Variants in SH3TC2 observed in about 807,000 individuals in gnomAD.
SH3TC2 encodes the protein SH3 domain and tetratricopeptide repeat-containing protein 2.
A neutral mutation model predicts 124.5 loss-of-function variants in SH3TC2; 87 were observed. The ratio of observed to expected loss-of-function variants is 0.70; its 90% confidence interval spans 0.59 to 0.84. The LOEUF (loss-of-function observed/expected upper bound fraction) is 0.84, where lower values mean the gene tolerates loss of function less well. Among genes scored for constraint, SH3TC2 ranks in the 40% least tolerant of loss-of-function variants. SH3TC2 has a pLI of 0.00. For synonymous variants in SH3TC2, 634 were observed against 628.5 expected, an observed-to-expected ratio of 1.01 and a Z score of -0.13; for missense variants, 1,536 against 1,566.4, an observed-to-expected ratio of 0.98 and a Z score of 0.33.
At chr5:149,021,131 G>A (rs1391397241) in intron 12 of SH3TC2, among the ~76,000 whole-genome samples, 2 of 151,966 alleles carry the variant, frequency 1.3e-5, no homozygotes, top group African/African-American at 4.8e-5. Flanking sequence ...GTAACAGAAG[G>A]AAATTTGGAA....
chr5:149,034,244 C>CG (rs1554122277), intron 8 of SH3TC2: 2 of 154,118 alleles, frequency 1.3e-5, no homozygotes, highest in East Asian at 3.8e-4. Flanking sequence ...GGTTAAACAG[C>CG]AAGTTTAGTC....
intron 12 of SH3TC2, among the ~76,000 whole-genome samples, chr5:149,021,739 A>C (rs1477059358): frequency 1.3e-5 from 2 of 152,082 alleles, no homozygotes; most frequent in Admixed American, 1.3e-4. Flanking sequence ...ATAAACCTAT[A>C]ACAACTAATG....
At position 148,996,061 on chromosome 5, in the gene SH3TC2, G is replaced by A. The variant is rs182750395; in HGVS notation, c.*8650C>T. Among the ~76,000 whole-genome samples, 1 of 151,370 alleles carries A rather than the reference G, an allele frequency of 6.6e-6. No homozygotes were observed. The highest frequency in any genetic ancestry group is 2.4e-5 in the African/African-American group (1 of 41,144). ...GTTTGAGACTAGCATGGGCAACATG[G>A]TGGAAACCCATCTCTACAAAAACTA... On this transcript the variant is annotated 3_prime_UTR_variant, in exon 17 of 17. Transcript: ENST00000515425.
Position 148,989,052 on chromosome 5 carries a change from C to A in SH3TC2, c.*15659G>T, listed in dbSNP as rs886715859. Among the ~76,000 whole-genome samples the A allele has an allele frequency of 1.3e-5, 2 of 152,146 alleles. No homozygotes were observed. Among genetic ancestry groups the A allele is most frequent in the African/African-American group, 4.8e-5 (2 of 41,430 alleles). On this transcript the variant is annotated 3_prime_UTR_variant, in exon 17 of 17. Transcript: ENST00000515425. ...ACTCATATAACACACACAACACACA[C>A]AAAACAATGTCTTGGATTGTGGAAG...
In SH3TC2 at chr5:149,041,407, G is replaced by A; in HGVS notation, c.731+9C>T. On this transcript the variant is annotated intron_variant, in intron 6 of 16. Transcript: ENST00000515425. ...GGGACTTGCTCCCAGGAGGCAGATGGCTACTCACTGGTGGAAAGGGAGAGG... is the reference window on the plus strand; with the variant it reads ...GGGACTTGCTCCCAGGAGGCAGATGACTACTCACTGGTGGAAAGGGAGAGG... The A allele has an allele frequency of 6.2e-7, 1 of 1,612,200 alleles. No individual in the cohort carries two copies. Among genetic ancestry groups the A allele is most frequent in the Non-Finnish European group, 8.5e-7 (1 of 1,179,862 alleles).
chr5:149,057,821 A>G (rs759296564), intron 1 of SH3TC2, among the ~76,000 whole-genome samples: 25 of 152,210 alleles, frequency 1.6e-4, no homozygotes, highest in Non-Finnish European at 3.1e-4. Context: ...TATGTAGTCT[A>G]TATGGAGCTG....
rs113020040 is a variant in SH3TC2, at chr5:148,983,938, C to A, written c.*20773G>T. ...TCTTTGAGGTACTATCAACCTGCTC[C>A]TGGAACCAGTGTGGTTTTTAAGTCA... On this transcript the variant is annotated 3_prime_UTR_variant, in exon 17 of 17. Coordinates refer to ENST00000515425, the MANE Select transcript of SH3TC2 (RefSeq NM_024577.4). 1.5e-3 allele frequency among the ~76,000 whole-genome samples: 226 copies of A among 152,300 alleles called. 4 individuals are homozygous for A. The highest frequency in any genetic ancestry group is 5.4e-3 in the African/African-American group (223 of 41,562).
chr5:149,032,217 C>T (rs1181574809), intron 8 of SH3TC2, among the ~76,000 whole-genome samples: 1 of 152,138 alleles, frequency 6.6e-6, no homozygotes, highest in Non-Finnish European at 1.5e-5. Flanking sequence ...GATTCCATGG[C>T]ATAGAACAAC....
rs552270055 is a variant in SH3TC2, at chr5:148,993,099, T to A, written c.*11612A>T. Among the ~76,000 whole-genome samples, 6 of 152,256 alleles carry A rather than the reference T, an allele frequency of 3.9e-5. No homozygotes were observed. Among genetic ancestry groups the A allele is most frequent in the African/African-American group, 1.4e-4 (6 of 41,544 alleles). On this transcript the variant is annotated 3_prime_UTR_variant, in exon 17 of 17. Transcript: ENST00000515425. ...TCCTGGCTTCCATAGACGCTTAAGG[T>A]GATTAGGCATTTGTCCCTCACCGTT...
rs1193804293 is a variant in SH3TC2 at position 148,997,850 on chromosome 5, A to T, written c.*6861T>A. 6.6e-6 allele frequency among the ~76,000 whole-genome samples: 1 copy of T among 152,254 alleles called. No individual in the cohort carries two copies. Among genetic ancestry groups the T allele is most frequent in the African/African-American group, 2.4e-5 (1 of 41,466 alleles). On this transcript the variant is annotated 3_prime_UTR_variant, in exon 17 of 17. Coordinates refer to ENST00000515425, the MANE Select transcript of SH3TC2 (RefSeq NM_024577.4). ...CTACACCAAAATGTTGTGTGATTAC[A>T]TGAGAGTCATCACAAAGGTTTTGCA...
intron 1 of SH3TC2, among the ~76,000 whole-genome samples, chr5:149,053,824 G>C (rs891173251): frequency 4.6e-5 from 7 of 151,212 alleles, no homozygotes; most frequent in Non-Finnish European, 7.4e-5. Flanking sequence ...CTTCATCCCA[G>C]CTAAAAAAAA....
chr5:148,999,898 C>T lies in SH3TC2; in HGVS notation c.*4813G>A, dbSNP rs1753568771. Among the ~76,000 whole-genome samples, 1 of 152,156 alleles carries T rather than the reference C, an allele frequency of 6.6e-6. No individual in the cohort carries two copies. Among genetic ancestry groups the T allele is most frequent in the South Asian group, 2.1e-4 (1 of 4,820 alleles). ...CTTCCCTGAATCTGCTCCAGCCTCACTGCACTCAGAGTGACCTGTTCTCAG... is the reference window on the plus strand; with the variant it reads ...CTTCCCTGAATCTGCTCCAGCCTCATTGCACTCAGAGTGACCTGTTCTCAG... On this transcript the variant is annotated 3_prime_UTR_variant, in exon 17 of 17. Coordinates refer to ENST00000515425, the MANE Select transcript of SH3TC2 (RefSeq NM_024577.4).
rs1277541041 is a variant in SH3TC2 at position 149,027,370 on chromosome 5, GC to G, written c.2361del (p.Gln788SerfsTer21). On this transcript the variant is annotated frameshift_variant, in exon 11 of 17. Coordinates refer to ENST00000515425, the MANE Select transcript of SH3TC2 (RefSeq NM_024577.4). LOFTEE classifies it high-confidence loss of function. ...IHYLSQALVL[G>X]QLLGEQESFE... ...AAGGATTCCTGCTCACCCAGCAGCT[GC>G]CCTAGCACCAAGGCCTGGCTCAGGT... 1 of 1,613,972 alleles carries G rather than the reference GC, an allele frequency of 6.2e-7. No homozygotes were observed. The highest frequency in any genetic ancestry group is 1.3e-5 in the African/African-American group (1 of 74,948).
At chr5:149,017,487 G>A (rs772213538) in intron 12 of SH3TC2, among the ~76,000 whole-genome samples, 1 of 152,130 alleles carries the variant, frequency 6.6e-6, no homozygotes, top group South Asian at 2.1e-4. Flanking sequence ...TGAAGGCTGG[G>A]ACAAAGTTTT....
chr5:149,011,169 C>T (rs929765001), intron 13 of SH3TC2, among the ~76,000 whole-genome samples: 4 of 152,226 alleles, frequency 2.6e-5, no homozygotes, highest in African/African-American at 9.6e-5. Context: ...ATTGACCCTG[C>T]ACAACATCAG....
In SH3TC2 at chr5:149,027,524, G is replaced by C; in HGVS notation, c.2208C>G (p.Ala736=). Residue 736 remains alanine, a synonymous_variant, in exon 11 of 17, where the codon GCC becomes GCG. Transcript: ENST00000515425. ...SPGWGEVSAL[A]CPMLRQALAA... ...CCAGGGCCTGTCTGAGCATTGGGCA[G>C]GCCAAGGCAGAAACTTCACCCCAGC... The C allele has an allele frequency of 1.9e-6, 3 of 1,614,226 alleles. No homozygotes were observed. The highest frequency in any genetic ancestry group is 2.5e-6 in the Non-Finnish European group (3 of 1,180,038).
rs1015435513 is a variant in SH3TC2, at chr5:148,988,962, C to G, written c.*15749G>C. Among the ~76,000 whole-genome samples the G allele has an allele frequency of 2.6e-5, 4 of 152,196 alleles. No homozygotes were observed. Among genetic ancestry groups the G allele is most frequent in the African/African-American group, 7.2e-5 (3 of 41,440 alleles). On this transcript the variant is annotated 3_prime_UTR_variant, in exon 17 of 17. Transcript: ENST00000515425. ...CTCTCACTCAAAATGTTTCCCTTAT[C>G]TGGTCTAGTTGTGCCCTACTGAGCC... is the stretch of plus-strand genomic sequence containing the variant.
rs1466445468 is a variant in SH3TC2, at chr5:149,006,930, T to C, written c.3626A>G (p.Tyr1209Cys). Residue 1209 changes from tyrosine (Y) to cysteine (C), a missense_variant, in exon 16 of 17, where the codon TAT (tyrosine) becomes TGT (cysteine). By Grantham distance (194) the Tyr-to-Cys change is radical. This residue lies in a region of SH3TC2 where 426 missense variants were observed against 443.5 expected (regional missense o/e 0.96). Coordinates refer to ENST00000515425, the MANE Select transcript of SH3TC2 (RefSeq NM_024577.4). Reference sequence around the variant, plus strand: ...GCCCAGGCGATAATACACCTTGGCATAGTACAGGGCCTCCTTGGGACTCTG... The same window carrying C: ...GCCCAGGCGATAATACACCTTGGCACAGTACAGGGCCTCCTTGGGACTCTG... ...WLQSPKEALY[Y>C]AKVYYRLGRL... is the part of the protein sequence containing the mutation. The C allele has an allele frequency of 5.6e-6, 9 of 1,614,112 alleles. 1 individual carries two copies. In the South Asian group the frequency reaches 6.6e-5, roughly 12 times the overall value.
intron 11 of SH3TC2, 34 bp downstream of exon 11, chr5:149,026,826 T>C: frequency 1.9e-6 from 3 of 1,614,196 alleles, no homozygotes; most frequent in Non-Finnish European, 2.5e-6. Context: ...AACACTTTTC[T>C]CTATAGCTTC....
Sources: gnomAD v4.1 joint callset for allele counts (sites outside exome capture counted in the v4.1 genomes callset) on GRCh38, gnomAD v4.1.1 for gene constraint, gnomAD v4.1.1 regional missense constraint, MANE v1.5 for transcripts, NCBI Gene and HGNC (gene_info 2026-07-23, HGNC 2026-07-21) for gene names.